Variants in OTOGL observed in about 807,000 individuals in gnomAD.
OTOGL encodes the protein otogelin like, also known as otogelin-like protein.
OTOGL carries 285 observed loss-of-function variants against 318.5 expected under a neutral mutation model. The ratio of observed to expected loss-of-function variants is 0.89; its 90% CI spans 0.81 to 0.99. The LOEUF (loss-of-function observed/expected upper bound fraction) is 0.99. Ranked by LOEUF, OTOGL falls within the 50% of genes least tolerant of loss-of-function variation. The pLI, the probability that OTOGL is intolerant of heterozygous loss-of-function variation, is 0.00. For synonymous variants in OTOGL, 987 were observed against 936.5 expected, an observed-to-expected ratio of 1.05 and a Z score of -0.99; for missense variants, 2,899 against 2,845.6, an observed-to-expected ratio of 1.02 and a Z score of -0.43.
intron 27 of OTOGL, among the ~76,000 whole-genome samples, chr12:80,300,489 T>C (rs560466595): frequency 5.4e-4 from 82 of 152,272 alleles, no homozygotes; most frequent in African/African-American, 1.9e-3. Flanking sequence ...CCCAGACACA[T>C]GATTCTTTGT....
At chr12:80,202,696 G>T (rs918626812) in intron 1 of OTOGL, among the ~76,000 whole-genome samples, 4 of 151,960 alleles carry the variant, frequency 2.6e-5, no homozygotes, top group African/African-American at 9.7e-5. Flanking sequence ...TGGATTAGTA[G>T]ACCCCCATCT....
intron 1 of OTOGL, among the ~76,000 whole-genome samples, chr12:80,150,319 ATG>A (rs1375277896): frequency 1.3e-5 from 2 of 152,224 alleles, no homozygotes; most frequent in Admixed American, 1.3e-4. Context: ...CAACAGAATA[ATG>A]TGTTTCTTGC....
Position 80,232,941 on chromosome 12 carries a change from G to T in OTOGL, c.661G>T (p.Asp221Tyr), listed in dbSNP as rs199976142. The T allele has an allele frequency of 1.3e-6, 2 of 1,599,280 alleles. No individual in the cohort carries two copies. The highest frequency in any genetic ancestry group is 3.3e-5 in the Admixed American group (2 of 59,992). ...ACAGATTTTCATTGAGAAACTAGCT[G>T]ACTACATTCTTGTGAAAACAACCTT... ...IGQIFIEKLA[D>Y]YILVKTTFGF... The change falls in exon 9 of 59, where the codon GAC becomes TAC. Residue 221 changes from aspartate to tyrosine, a missense_variant. Physicochemically the swap from Asp to Tyr is radical, Grantham distance 160 (BLOSUM62 -3). Around this residue, in one of 3 missense-constraint regions of OTOGL, gnomAD observed 2,607 missense variants for 2,524.9 expected, o/e 1.03. Coordinates refer to ENST00000547103, the MANE Select transcript of OTOGL (RefSeq NM_001378609.3).
chr12:80,143,376 T>C (rs1872080129), intron 1 of OTOGL, among the ~76,000 whole-genome samples: 1 of 152,142 alleles, frequency 6.6e-6, no homozygotes. Context: ...AAAAGCTTTT[T>C]TTGAACCCCT....
chr12:80,270,645 T>G (rs1883339638), intron 23 of OTOGL, among the ~76,000 whole-genome samples: 1 of 152,150 alleles, frequency 6.6e-6, no homozygotes, highest in Non-Finnish European at 1.5e-5. Context: ...TTAATACTTC[T>G]GGTTCCTGGG....
intron 9 of OTOGL, among the ~76,000 whole-genome samples, chr12:80,238,076 G>C: frequency 6.6e-6 from 1 of 152,150 alleles, no homozygotes; most frequent in East Asian, 1.9e-4. Context: ...TCTCAGATCA[G>C]GTAGAGAGAC....
intron 37 of OTOGL, 99 bp downstream of exon 37, chr12:80,329,218 A>G: frequency 1.1e-6 from 1 of 925,756 alleles, no homozygotes; most frequent in South Asian, 2.3e-5. Context: ...TATCATTAAT[A>G]CTACCTATGG....
chr12:80,342,211 G>A (rs1888823977), intron 44 of OTOGL, 49 bp downstream of exon 44: 2 of 1,404,060 alleles, frequency 1.4e-6, no homozygotes, highest in Admixed American at 2.1e-5. Context: ...GATATGTTGA[G>A]AGTAAAAGCC....
At chr12:80,227,737 T>C (rs2137382389) in intron 7 of OTOGL, among the ~76,000 whole-genome samples, 1 of 152,302 alleles carries the variant, frequency 6.6e-6, no homozygotes, top group Admixed American at 6.5e-5. Context: ...CTCAGACTTT[T>C]ATACTTGCTA....
chr12:80,123,578 G>T (rs996863794), intron 1 of OTOGL, among the ~76,000 whole-genome samples: 8 of 152,120 alleles, frequency 5.3e-5, no homozygotes, highest in Non-Finnish European at 1.0e-4. Context: ...GGGTCAAATG[G>T]TATTTCTAGT....
chr12:80,152,842 C>T (rs1347582110), intron 1 of OTOGL, among the ~76,000 whole-genome samples: 2 of 152,092 alleles, frequency 1.3e-5, no homozygotes, highest in Non-Finnish European at 2.9e-5. Context: ...TGGTGGTATG[C>T]ACCACCACAC....
At chr12:80,177,479 C>T (rs2137231354) in intron 1 of OTOGL, among the ~76,000 whole-genome samples, 1 of 152,182 alleles carries the variant, frequency 6.6e-6, no homozygotes, top group East Asian at 1.9e-4. Context: ...CATTGTCTGC[C>T]TTAACACAAA....
At chr12:80,103,867 C>T (rs1869294542) in intron 1 of OTOGL, among the ~76,000 whole-genome samples, 1 of 152,176 alleles carries the variant, frequency 6.6e-6, no homozygotes, top group South Asian at 2.1e-4. Context: ...ATATTCTAGA[C>T]ACCTGAGAAC....
At chr12:80,222,313 C>T (rs1878428732) in intron 7 of OTOGL, 68 bp downstream of exon 7, 1 of 1,385,422 alleles carries the variant, frequency 7.2e-7, no homozygotes, top group Admixed American at 2.5e-5. Context: ...TTTTAAAGTA[C>T]TGGGAAAATG....
At position 80,373,195 on chromosome 12, in the gene OTOGL, A is replaced by G. The variant is rs562267541; in HGVS notation, c.6781+1131A>G. Among the ~76,000 whole-genome samples, 21 of 152,250 alleles carry G rather than the reference A, an allele frequency of 1.4e-4. No homozygotes were observed. The South Asian group carries it at 4.3e-3, about 32-fold the overall frequency. ...CATGCTGTAATCACAGCACTTTGGG[A>G]GGCCAAGTTGGGTGGATCACAAGGT... On this transcript the variant is annotated intron_variant, in intron 57 of 58. Coordinates refer to ENST00000547103, the MANE Select transcript of OTOGL (RefSeq NM_001378609.3).
intron 30 of OTOGL, among the ~76,000 whole-genome samples, chr12:80,313,159 GCC>G (rs1886747592): frequency 6.6e-6 from 1 of 152,078 alleles, no homozygotes; most frequent in African/African-American, 2.4e-5. Flanking sequence ...AGCAGAAGGT[GCC>G]CTTATTTTAA....
chr12:80,278,410 G>C, intron 25 of OTOGL, 135 bp downstream of exon 25: 2 of 670,388 alleles, frequency 3.0e-6, no homozygotes, highest in Non-Finnish European at 5.0e-6. Flanking sequence ...AGGCCTGCAG[G>C]AGTTGGTGGA....
In OTOGL at chr12:80,336,819, TAGTG is replaced by T. The variant is rs1404602779; in HGVS notation, c.4767+3_4767+6del. ...CAGAATGGAAACTCCTTAAAAAAGCTAGTGAGTATTTGCAAAGTGTTTAGTACAT... is the reference window on the plus strand; with the variant it reads ...CAGAATGGAAACTCCTTAAAAAAGCTAGTATTTGCAAAGTGTTTAGTACAT... On this transcript the variant is annotated splice_donor_variant and splice_donor_region_variant and coding_sequence_variant and intron_variant, in exon 41 of 59. Transcript: ENST00000547103. LOFTEE classifies it high-confidence loss of function. 1.3e-6 allele frequency: 2 copies of T among 1,529,730 alleles called. No homozygotes were observed. Among genetic ancestry groups the T allele is most frequent in the African/African-American group, 1.4e-5 (1 of 72,308 alleles). 94.8% of individuals were successfully genotyped at this position (1,529,730 alleles called of 1,614,324 possible).
intron 11 of OTOGL, among the ~76,000 whole-genome samples, chr12:80,250,034 G>A (rs12315226): frequency 0.043 from 6,491 of 151,302 alleles, 459 homozygotes; most frequent in African/African-American, 0.15. Context: ...CGCGCACGGT[G>A]CGCGCACCCA....
Sources: gnomAD v4.1 joint callset for allele counts (sites outside exome capture counted in the v4.1 genomes callset) on GRCh38, gnomAD v4.1.1 for gene constraint, gnomAD v4.1.1 regional missense constraint, MANE v1.5 for transcripts, NCBI Gene and HGNC (gene_info 2026-07-23, HGNC 2026-07-21) for gene names.